KDM4C: variants seen among roughly 807,000 people sequenced by gnomAD.
KDM4C encodes lysine demethylase 4C.
Under a neutral mutation model 129.3 loss-of-function variants are expected in KDM4C, and 81 were observed. The observed-to-expected ratio is 0.63, with a 90% CI of 0.52 to 0.75. The LOEUF is 0.75. Ranked by LOEUF, KDM4C falls within the 30% of genes least tolerant of loss-of-function variation. The pLI, the probability that KDM4C is intolerant of heterozygous loss-of-function variation, is 0.00. For missense variants in KDM4C, 1,457 were observed against 1,304.0 expected (o/e 1.12, Z -1.81); for synonymous variants, 573 against 456.1 (o/e 1.26, Z -3.26).
chr9:6,966,752 A>G (rs2131650678), intron 8 of KDM4C, among the ~76,000 whole-genome samples: 1 of 152,316 alleles, frequency 6.6e-6, no homozygotes, highest in Non-Finnish European at 1.5e-5. Flanking sequence ...TATTTAGGAC[A>G]AAATAAACCT....
chr9:7,117,056 C>A (rs1397051871), intron 18 of KDM4C, among the ~76,000 whole-genome samples: 3 of 151,956 alleles, frequency 2.0e-5, no homozygotes, highest in Non-Finnish European at 4.4e-5. Flanking sequence ...TATGATTATA[C>A]CCATGTGACA....
intron 15 of KDM4C, among the ~76,000 whole-genome samples, chr9:7,040,951 A>G (rs1055331972): frequency 6.6e-6 from 1 of 150,802 alleles, no homozygotes; most frequent in African/African-American, 2.4e-5. Context: ...TTTTCTGTCA[A>G]TATCTCTTCC....
chr9:6,821,615 A>G (rs1833042328), intron 4 of KDM4C, among the ~76,000 whole-genome samples: 1 of 149,678 alleles, frequency 6.7e-6, no homozygotes, highest in Non-Finnish European at 1.5e-5. Flanking sequence ...TAGATTCTGG[A>G]TATTAGCCCT....
intron 15 of KDM4C, among the ~76,000 whole-genome samples, chr9:7,021,547 A>C (rs961606401): frequency 6.6e-6 from 1 of 152,182 alleles, no homozygotes. Context: ...AGTTCCTTTT[A>C]TATTCTAGTT....
At chr9:6,965,487 A>G (rs1290254973) in intron 8 of KDM4C, among the ~76,000 whole-genome samples, 6 of 152,158 alleles carry the variant, frequency 3.9e-5, no homozygotes, top group Non-Finnish European at 1.5e-5. Context: ...GTGTGTGTGT[A>G]TATATGTGTG....
In KDM4C at chr9:7,020,953, T is replaced by G. The variant is rs185209347; in HGVS notation, c.2259+5024T>G. Among the ~76,000 whole-genome samples, 1,195 of 143,284 alleles carry G rather than the reference T, an allele frequency of 8.3e-3. 19 individuals carry two copies. The highest frequency in any genetic ancestry group is 0.029 in the African/African-American group (1,102 of 38,616). The allele number at this position is 143,284 out of a possible 152,430, so 94.0% of individuals were successfully genotyped here. On this transcript the variant is annotated intron_variant, in intron 15 of 21. Coordinates refer to ENST00000381309, the MANE Select transcript of KDM4C (RefSeq NM_015061.6). ...TACCCATTAACCATTCCCATTCCCC[T>G]CACCCCCACCACCCTTCCTAGCCTC...
intron 4 of KDM4C, among the ~76,000 whole-genome samples, chr9:6,827,438 G>C (rs1357290158): frequency 6.6e-6 from 1 of 152,184 alleles, no homozygotes; most frequent in Middle Eastern, 3.2e-3. Flanking sequence ...TGTTGGTGAG[G>C]CATGGGAATC....
intron 17 of KDM4C, among the ~76,000 whole-genome samples, chr9:7,094,541 C>T (rs551551716): frequency 2.6e-5 from 4 of 152,210 alleles, no homozygotes; most frequent in African/African-American, 9.6e-5. Context: ...TAGCAACCAT[C>T]TGAGATACTT....
chr9:6,740,087 A>G (rs1444919428), intron 1 of KDM4C, among the ~76,000 whole-genome samples: 1 of 151,448 alleles, frequency 6.6e-6, no homozygotes, highest in Non-Finnish European at 1.5e-5. Context: ...ACGGGATTTC[A>G]CCATTTTGGC....
intron 8 of KDM4C, among the ~76,000 whole-genome samples, chr9:6,907,658 G>C (rs1489743555): frequency 2.6e-5 from 4 of 152,072 alleles, no homozygotes; most frequent in African/African-American, 9.7e-5. Flanking sequence ...ATCTAATTAA[G>C]GGACATTTCA....
intron 17 of KDM4C, among the ~76,000 whole-genome samples, chr9:7,085,710 GA>G (rs779168283): frequency 1.1e-4 from 16 of 152,170 alleles, no homozygotes; most frequent in Non-Finnish European, 2.1e-4. Flanking sequence ...TATCTTCTCA[GA>G]CTGCGTGGTG....
chr9:7,171,545 A>C (rs1302382914), intron 21 of KDM4C, among the ~76,000 whole-genome samples: 1 of 152,124 alleles, frequency 6.6e-6, no homozygotes, highest in Non-Finnish European at 1.5e-5. Flanking sequence ...GGAGTGGAGT[A>C]GGTAGCCTCT....
At chr9:6,939,867 G>A (rs571129958) in intron 8 of KDM4C, among the ~76,000 whole-genome samples, 3 of 152,254 alleles carry the variant, frequency 2.0e-5, no homozygotes, top group South Asian at 2.1e-4. Flanking sequence ...GGAAATAACT[G>A]AAAGTCTAAG....
intron 15 of KDM4C, among the ~76,000 whole-genome samples, chr9:7,035,124 C>T (rs374173440): frequency 6.6e-6 from 1 of 151,484 alleles, no homozygotes; most frequent in South Asian, 2.1e-4. Flanking sequence ...GTGATCCTCC[C>T]ACCTTTGCCT....
intron 15 of KDM4C, among the ~76,000 whole-genome samples, chr9:7,023,712 T>C (rs748387806): frequency 2.0e-5 from 3 of 152,180 alleles, no homozygotes; most frequent in Non-Finnish European, 4.4e-5. Flanking sequence ...TTTTTTAAGA[T>C]GCATTGTTAG....
Position 6,877,537 on chromosome 9 carries a change from A to C in KDM4C, c.630-2475A>C, listed in dbSNP as rs975441462. ...TTTTAAGGGCCCTTCCAGCCCTGCA[A>C]CTTGTATTTAGAGAACAGAATTGTT... On this transcript the variant is annotated intron_variant, in intron 5 of 21. Transcript: ENST00000381309. Among the ~76,000 whole-genome samples the C allele has an allele frequency of 3.9e-5, 6 of 152,252 alleles. No homozygotes were observed. In the South Asian group the frequency reaches 1.2e-3, roughly 32 times the overall value.
chr9:6,835,448 C>T (rs1835710205), intron 4 of KDM4C: 1 of 1,210,098 alleles, frequency 8.3e-7, no homozygotes, highest in Non-Finnish European at 1.2e-6. Context: ...ATTGCTCCTC[C>T]TGAGCTCAAG....
chr9:6,763,502 C>T (rs763132715), intron 1 of KDM4C, among the ~76,000 whole-genome samples: 1 of 152,186 alleles, frequency 6.6e-6, no homozygotes, highest in Non-Finnish European at 1.5e-5. Context: ...CCTCCCTACC[C>T]TCATGCAAGC....
chr9:6,845,882 C>G (rs1374383832), intron 4 of KDM4C, among the ~76,000 whole-genome samples: 1 of 152,198 alleles, frequency 6.6e-6, no homozygotes, highest in Non-Finnish European at 1.5e-5. Flanking sequence ...TGAACTTGGG[C>G]TGGTGTGCAG....
Sources: gnomAD v4.1 joint callset for allele counts (sites outside exome capture counted in the v4.1 genomes callset) on GRCh38, gnomAD v4.1.1 for gene constraint, MANE v1.5 for transcripts, NCBI Gene and HGNC (gene_info 2026-07-23, HGNC 2026-07-21) for gene names.